HS6ST2: variants seen among roughly 807,000 people sequenced by gnomAD.
HS6ST2 encodes the protein heparan-sulfate 6-O-sulfotransferase 2.
A neutral mutation model predicts 33.0 loss-of-function variants in HS6ST2; 17 were observed. The observed-to-expected ratio is 0.52, with a 90% confidence interval of 0.35 to 0.77. The LOEUF is 0.77. Ranked by LOEUF, HS6ST2 falls within the 30% of genes least tolerant of loss-of-function variation. HS6ST2 has a pLI of 0.01. For synonymous variants in HS6ST2, 248 were observed against 237.1 expected (o/e 1.05, Z -0.42); for missense variants, 519 against 551.7 (o/e 0.94, Z 0.59).
intron 2 of HS6ST2, among the ~76,000 whole-genome samples, chrX:132,791,395 G>C (rs1406098907): frequency 1.8e-5 from 2 of 111,889 alleles, no homozygotes; most frequent in East Asian, 5.6e-4. Flanking sequence ...AATTAAAGGA[G>C]TACTGACTTT....
At chrX:132,731,250 A>G (rs1398547188) in intron 2 of HS6ST2, among the ~76,000 whole-genome samples, 1 of 111,818 alleles carries the variant, frequency 8.9e-6, no homozygotes, top group Non-Finnish European at 1.9e-5. Flanking sequence ...AAGGTGAGGG[A>G]GCATTCAGAA....
At chrX:132,930,140 C>CGTTGTT (rs765421634) in intron 2 of HS6ST2, among the ~76,000 whole-genome samples, 4 of 108,978 alleles carry the variant, frequency 3.7e-5, no homozygotes, top group African/African-American at 1.3e-4. Flanking sequence ...TTGCTTTTTT[C>CGTTGTT]GTTGTTGTTG....
intron 2 of HS6ST2, among the ~76,000 whole-genome samples, chrX:132,828,693 T>TATACACACACACAC (rs1337972849): frequency 2.7e-5 from 2 of 72,936 alleles, no homozygotes; most frequent in Non-Finnish European, 5.0e-5. Context: ...TATATATATA[T>TATACACACACACAC]ACACACACAC....
At chrX:132,930,065 C>A (rs1005581737) in intron 2 of HS6ST2, among the ~76,000 whole-genome samples, 1 of 111,554 alleles carries the variant, frequency 9.0e-6, no homozygotes, top group Non-Finnish European at 1.9e-5. Flanking sequence ...GGTGGGTGGG[C>A]AGAACCAATA....
At chrX:132,768,058 G>T (rs1265419230) in intron 2 of HS6ST2, among the ~76,000 whole-genome samples, 1 of 110,877 alleles carries the variant, frequency 9.0e-6, no homozygotes, top group Non-Finnish European at 1.9e-5. Flanking sequence ...ATCTCCCATG[G>T]GCTCCATTAA....
rs146202901 is a variant in HS6ST2, at chrX:132,719,892, C to A, written c.948-11398G>T. Among the ~76,000 whole-genome samples the A allele has an allele frequency of 2.5e-3, 284 of 112,339 alleles. 1 individual carries two copies. The highest frequency in any genetic ancestry group is 9.3e-3 in the Middle Eastern group (2 of 216). ...AATAGCTTGTCAACTCCTTCGTAAC[C>A]ACAGAGGGCTTTATAATCTCCCCAC... On this transcript the variant is annotated intron_variant, in intron 2 of 4. Coordinates refer to ENST00000370833, the MANE Select transcript of HS6ST2 (RefSeq NM_001394073.1).
chrX:132,927,208 C>T (rs752716682), intron 2 of HS6ST2, among the ~76,000 whole-genome samples: 23 of 110,936 alleles, frequency 2.1e-4, no homozygotes, highest in Admixed American at 6.7e-4. Flanking sequence ...TCCTCCTAAA[C>T]CTCCTGAATC....
At chrX:132,870,049 A>C (rs955493447) in intron 2 of HS6ST2, among the ~76,000 whole-genome samples, 1 of 111,157 alleles carries the variant, frequency 9.0e-6, no homozygotes, top group African/African-American at 3.3e-5. Context: ...TCCTTAAGCT[A>C]ATAAACAACT....
chrX:132,895,429 A>G (rs747779123), intron 2 of HS6ST2, among the ~76,000 whole-genome samples: 2 of 111,474 alleles, frequency 1.8e-5, no homozygotes, highest in Admixed American at 9.6e-5. Flanking sequence ...CTTCTCTTCT[A>G]TAAGGTACAA....
chrX:132,791,550 C>A (rs1478750083), intron 2 of HS6ST2, among the ~76,000 whole-genome samples: 1 of 111,925 alleles, frequency 8.9e-6, no homozygotes, highest in Non-Finnish European at 1.9e-5. Context: ...ATAAAACGAG[C>A]ATTTTCTTTT....
At chrX:132,700,100 G>A (rs1318521127) in intron 3 of HS6ST2, among the ~76,000 whole-genome samples, 1 of 111,848 alleles carries the variant, frequency 8.9e-6, no homozygotes, top group African/African-American at 3.3e-5. Context: ...TGTGCCCTGT[G>A]GTGAGCAGAA....
chrX:132,883,015 G>A lies in HS6ST2; in HGVS notation c.947+73793C>T, dbSNP rs1253364324. On this transcript the variant is annotated intron_variant, in intron 2 of 4. Transcript: ENST00000370833. ...TGGATAAGCTTTTTGATGTGCTGCT[G>A]GATTCGGTTTGCCAGTATTTTATTG... Among the ~76,000 whole-genome samples, 24 of 111,246 alleles carry A rather than the reference G, an allele frequency of 2.2e-4. No individual in the cohort carries two copies. The Admixed American group carries it at 2.3e-3, about 11-fold the overall frequency.
intron 2 of HS6ST2, among the ~76,000 whole-genome samples, chrX:132,770,761 C>T (rs149804037): frequency 0.01 from 1,133 of 110,990 alleles, 17 homozygotes; most frequent in African/African-American, 0.034. Context: ...TCACCTACTG[C>T]GGTAAATGCT....
chrX:132,688,534 A>G (rs997027465), intron 3 of HS6ST2, among the ~76,000 whole-genome samples: 1 of 111,208 alleles, frequency 9.0e-6, no homozygotes, highest in Admixed American at 9.5e-5. Flanking sequence ...CCTTCTTTGC[A>G]TGGTGGCAGC....
intron 2 of HS6ST2, among the ~76,000 whole-genome samples, chrX:132,898,535 G>T (rs1022488791): frequency 1.9e-5 from 2 of 107,946 alleles, no homozygotes; most frequent in Admixed American, 2.0e-4. Flanking sequence ...AAAGCAATCA[G>T]ATTAAACAAC....
At chrX:132,704,424 C>T (rs1297614051) in intron 3 of HS6ST2, among the ~76,000 whole-genome samples, 1 of 110,796 alleles carries the variant, frequency 9.0e-6, no homozygotes, top group African/African-American at 3.3e-5. Flanking sequence ...TGTGGTGGCA[C>T]ATGCCTGAAA....
intron 2 of HS6ST2, among the ~76,000 whole-genome samples, chrX:132,795,599 A>G (rs2065169234): frequency 9.0e-6 from 1 of 111,585 alleles, no homozygotes; most frequent in Non-Finnish European, 1.9e-5. Flanking sequence ...AAAGGCCTTG[A>G]AGTCACAGAG....
intron 2 of HS6ST2, among the ~76,000 whole-genome samples, chrX:132,956,513 C>G (rs1159762143): frequency 8.9e-6 from 1 of 112,150 alleles, no homozygotes; most frequent in Admixed American, 9.3e-5. Context: ...TACGATGCCC[C>G]GTCCCAGCGG....
chrX:132,879,961 C>T (rs747316844), intron 2 of HS6ST2, among the ~76,000 whole-genome samples: 1 of 111,113 alleles, frequency 9.0e-6, no homozygotes, highest in South Asian at 3.8e-4. Context: ...TAGTATACTA[C>T]ACTCCAAAAA....
Sources: allele counts gnomAD v4.1 joint callset (sites outside exome capture counted in the v4.1 genomes callset), GRCh38; gene constraint gnomAD v4.1.1; transcripts MANE v1.5; gene names NCBI Gene and HGNC (gene_info 2026-07-23, HGNC 2026-07-21).